Variants in SETX observed in about 807,000 individuals in gnomAD.
SETX encodes helicase senataxin.
A neutral mutation model predicts 227.2 loss-of-function variants in SETX; 90 were observed. The ratio of observed to expected loss-of-function variants is 0.40; its 90% CI spans 0.33 to 0.47. The LOEUF (loss-of-function observed/expected upper bound fraction) is 0.47. SETX is among the 20% of genes least tolerant of loss of function. The pLI is 0.91. For synonymous variants in SETX, 1,210 were observed against 1,113.2 expected (o/e 1.09, Z -1.73); for missense variants, 3,052 against 3,181.5 (o/e 0.96, Z 0.98).
chr9:132,297,738 C>T (rs1844754711), intron 13 of SETX, among the ~76,000 whole-genome samples: 1 of 152,216 alleles, frequency 6.6e-6, no homozygotes, highest in Non-Finnish European at 1.5e-5. Context: ...TTCATCTTTG[C>T]ATTTCCAACA....
chr9:132,305,645 A>C (rs1845292073), intron 11 of SETX, among the ~76,000 whole-genome samples: 1 of 152,184 alleles, frequency 6.6e-6, no homozygotes, highest in South Asian at 2.1e-4. Context: ...TTTGACTCAC[A>C]AGGAAATATC....
Position 132,346,352 on chromosome 9 carries a change from A to T in SETX, c.297T>A (p.Phe99Leu). Reference sequence around the variant, plus strand: ...TTTCAAAGTCTTGCCCAGTGATGTCAAACAGTGGCATCTCTCCATTATTGT... The same window carrying T: ...TTTCAAAGTCTTGCCCAGTGATGTCTAACAGTGGCATCTCTCCATTATTGT... ...IVDNNGEMPL[F>L]DITGQDFENK... Residue 99 changes from phenylalanine to leucine, a missense_variant, in exon 4 of 26, where the codon TTT (phenylalanine) becomes TTA (leucine). Coordinates refer to ENST00000224140, the MANE Select transcript of SETX (RefSeq NM_015046.7). 1 of 1,613,980 alleles carries T rather than the reference A, an allele frequency of 6.2e-7. No homozygotes were observed. The highest frequency in any genetic ancestry group is 8.5e-7 in the Non-Finnish European group (1 of 1,179,870).
rs578044669 is a variant in SETX, at chr9:132,340,861, AC to A, written c.498+1828del. 4.2e-4 allele frequency among the ~76,000 whole-genome samples: 64 copies of A among 152,262 alleles called. No individual in the cohort carries two copies. The Middle Eastern group carries it at 0.01, about 24-fold the overall frequency. On this transcript the variant is annotated intron_variant, in intron 5 of 25. Coordinates refer to ENST00000224140, the MANE Select transcript of SETX (RefSeq NM_015046.7). ...ATGATGAGGGAGAACTGGAAGCAGAACCTTAACAGTTCCTTTTCTACTTTAT... is the reference window on the plus strand; with the variant it reads ...ATGATGAGGGAGAACTGGAAGCAGAACTTAACAGTTCCTTTTCTACTTTAT...
intron 23 of SETX, among the ~76,000 whole-genome samples, chr9:132,273,836 G>GA (rs1843015517): frequency 6.6e-6 from 1 of 151,594 alleles, no homozygotes; most frequent in Non-Finnish European, 1.5e-5. Context: ...GTACAATGTT[G>GA]AAAAAAAGCA....
intron 21 of SETX, 43 bp from the exon 22 acceptor site, chr9:132,277,195 G>T: frequency 6.4e-7 from 1 of 1,570,304 alleles, no homozygotes; most frequent in Non-Finnish European, 8.7e-7. Flanking sequence ...ATAAAGTCAA[G>T]ATTTAAGAAA....
chr9:132,278,047 CACAA>C lies in SETX; in HGVS notation c.6842+19_6842+22del. The C allele has an allele frequency of 6.2e-7, 1 of 1,603,496 alleles. No homozygotes were observed. The highest frequency in any genetic ancestry group is 8.5e-7 in the Non-Finnish European group (1 of 1,170,970). On this transcript the variant is annotated intron_variant, in intron 21 of 25. Coordinates refer to ENST00000224140, the MANE Select transcript of SETX (RefSeq NM_015046.7). ...TAGCTAAACTACAACAAAATAAGGT[CACAA>C]ACAATAAGGGGAACTCACCTATTTG...
At chr9:132,302,512 T>G (rs1198323620) in intron 11 of SETX, among the ~76,000 whole-genome samples, 1 of 150,770 alleles carries the variant, frequency 6.6e-6, no homozygotes, top group Non-Finnish European at 1.5e-5. Context: ...ATACAAAAAT[T>G]AGCCAGGCGT....
In SETX at chr9:132,339,471, T is replaced by G. The variant is rs534815510; in HGVS notation, c.499-2956A>C. On this transcript the variant is annotated intron_variant, in intron 5 of 25. Transcript: ENST00000224140. ...CTGTCTCAAAAAAATAAAACAAATCTTTCCTCACCTTACAATCTAAATGCT... is the reference window on the plus strand; with the variant it reads ...CTGTCTCAAAAAAATAAAACAAATCGTTCCTCACCTTACAATCTAAATGCT... Among the ~76,000 whole-genome samples, 14 of 152,274 alleles carry G rather than the reference T, an allele frequency of 9.2e-5. No individual in the cohort carries two copies. The South Asian group carries it at 2.5e-3, about 27-fold the overall frequency.
chr9:132,347,072 C>T (rs1185997), intron 3 of SETX, among the ~76,000 whole-genome samples: 136,857 of 151,920 alleles, frequency 0.9, 61,732 homozygotes, highest in Non-Finnish European at 0.92. Flanking sequence ...CTGACCAACA[C>T]GGAGGAACCT....
At chr9:132,334,865 T>C in intron 6 of SETX, 138 bp from the exon 7 acceptor site, 2 of 900,068 alleles carry the variant, frequency 2.2e-6, no homozygotes, top group Non-Finnish European at 1.8e-6. Flanking sequence ...GTCTCAGATA[T>C]TCATACACAA....
At chr9:132,335,900 A>G (rs1319221205) in intron 6 of SETX, among the ~76,000 whole-genome samples, 1 of 152,168 alleles carries the variant, frequency 6.6e-6, no homozygotes, top group Admixed American at 6.5e-5. Context: ...TATCTTCAGT[A>G]AGTTTCATCA....
At chr9:132,354,742 G>A (rs892831922) in intron 1 of SETX, among the ~76,000 whole-genome samples, 175 bp downstream of exon 1, 3 of 152,080 alleles carry the variant, frequency 2.0e-5, no homozygotes, top group African/African-American at 7.2e-5. Flanking sequence ...CAGCCGTCGA[G>A]GGGTGCTCCC....
At position 132,328,957 on chromosome 9, in the gene SETX, C is replaced by T. The variant is rs1194421832; in HGVS notation, c.2641G>A (p.Glu881Lys). The T allele has an allele frequency of 1.9e-6, 3 of 1,609,662 alleles. No individual in the cohort carries two copies. The African/African-American group carries it at 4.0e-5, about 22-fold the overall frequency. Residue 881 changes from glutamate (E) to lysine (K), a missense_variant, in exon 10 of 26, where the codon GAA becomes AAA. By Grantham distance (56) the Glu-to-Lys change is moderately conservative. Transcript: ENST00000224140. ...NEELVIFSFHENNCKIQEFHV... is the reference protein window; with the variant it reads ...NEELVIFSFHKNNCKIQEFHV... ...AATTCCTGTATTTTACAATTGTTTT[C>T]ATGGAAAGAGAAAATAACTAATTCT...
At position 132,300,781 on chromosome 9, in the gene SETX, CA is replaced by C; in HGVS notation, c.5396del (p.Leu1799ArgfsTer15). The C allele has an allele frequency of 6.2e-7, 1 of 1,613,200 alleles. No homozygotes were observed. The highest frequency in any genetic ancestry group is 8.5e-7 in the Non-Finnish European group (1 of 1,179,820). On this transcript the variant is annotated frameshift_variant, in exon 12 of 26. Transcript: ENST00000224140. LOFTEE classifies it high-confidence loss of function. ...EFAVYLEECE[L>X]AKQLYPKEND... The stretch of plus-strand genomic sequence containing the variant: ...TTTCCTTTGGATAAAGCTGTTTAGC[CA>C]GTTCACATTCTTCCAGATAAACTAT...
chr9:132,284,381 G>C (rs995823873), intron 18 of SETX, among the ~76,000 whole-genome samples: 2 of 152,178 alleles, frequency 1.3e-5, no homozygotes, highest in African/African-American at 4.8e-5. Flanking sequence ...TAAATAAACT[G>C]CTAATGAAAA....
At chr9:132,292,883 C>T (rs371096229) in intron 15 of SETX, among the ~76,000 whole-genome samples, 1 of 152,044 alleles carries the variant, frequency 6.6e-6, no homozygotes. Flanking sequence ...GTGATCTGCC[C>T]GCCTCTGCCT....
At chr9:132,318,009 T>TACAC (rs1846091929) in intron 10 of SETX, among the ~76,000 whole-genome samples, 1 of 152,220 alleles carries the variant, frequency 6.6e-6, no homozygotes, top group African/African-American at 2.4e-5. Flanking sequence ...AGATCCTTAT[T>TACAC]ACACATATAT....
chr9:132,346,938 T>G (rs975514222), intron 3 of SETX, among the ~76,000 whole-genome samples: 1 of 151,816 alleles, frequency 6.6e-6, no homozygotes, highest in Non-Finnish European at 1.5e-5. Flanking sequence ...CTGGATGACA[T>G]AGGGAAACCC....
chr9:132,347,033 T>A lies in SETX; in HGVS notation c.178-562A>T, dbSNP rs189258805. On this transcript the variant is annotated intron_variant, in intron 3 of 25. Coordinates refer to ENST00000224140, the MANE Select transcript of SETX (RefSeq NM_015046.7). ...ACTTTGAGAGGCTGAGGTGGGCGGATCACCTGAGGTCGGGAGTTCAGAACC... is the reference window on the plus strand; with the variant it reads ...ACTTTGAGAGGCTGAGGTGGGCGGAACACCTGAGGTCGGGAGTTCAGAACC... Among the ~76,000 whole-genome samples the A allele has an allele frequency of 2.2e-3, 334 of 152,146 alleles. 2 individuals carry two copies. Among genetic ancestry groups the A allele is most frequent in the Middle Eastern group, 0.01 (3 of 292 alleles).
Sources: allele counts gnomAD v4.1 joint callset (sites outside exome capture counted in the v4.1 genomes callset), GRCh38; gene constraint gnomAD v4.1.1; transcripts MANE v1.5; gene names NCBI Gene and HGNC (gene_info 2026-07-23, HGNC 2026-07-21).